CRYBG3: variants seen among roughly 807,000 people sequenced by gnomAD.
CRYBG3 encodes very large A-kinase anchor protein.
CRYBG3 carries 127 observed loss-of-function variants against 244.2 expected under a neutral mutation model. The observed-to-expected ratio is 0.52, with a 90% CI of 0.45 to 0.60. CRYBG3 has a LOEUF of 0.60. CRYBG3 is among the 20% of genes least tolerant of loss of function. The probability of loss-of-function intolerance (pLI) is 0.00; values close to 1 mark genes in which losing one functional copy is unlikely to be tolerated. For missense variants in CRYBG3, 3,325 were observed against 3,442.5 expected (o/e 0.97, Z 0.85); for synonymous variants, 1,132 against 1,195.8 (o/e 0.95, Z 1.10).
Position 97,872,439 on chromosome 3 carries a change from G to A in CRYBG3, c.1245G>A (p.Met415Ile). 4 of 1,535,982 alleles carry A rather than the reference G, an allele frequency of 2.6e-6. No homozygotes were observed. Among genetic ancestry groups the A allele is most frequent in the Non-Finnish European group, 3.5e-6 (4 of 1,146,804 alleles). Residue 415 changes from methionine to isoleucine, a missense_variant, in exon 4 of 22, where the codon ATG (methionine) becomes ATA (isoleucine). Met to Ile is a conservative substitution (Grantham distance 10, BLOSUM62 1). Transcript: ENST00000389622. The stretch of plus-strand genomic sequence containing the variant: ...CGATAAAAGAAAACAGCACTGTGAT[G>A]AGTAATAGGACATTGGTGCAAAGAG... Reference protein sequence around the residue: ...ENTIKENSTVMSNRTLVQREE... With the variant: ...ENTIKENSTVISNRTLVQREE...
intron 17 of CRYBG3, among the ~76,000 whole-genome samples, chr3:97,926,464 A>G (rs2040041482): frequency 6.6e-6 from 1 of 152,100 alleles, no homozygotes. Flanking sequence ...TGCCAGCATC[A>G]TACTGAATGA....
intron 1 of CRYBG3, among the ~76,000 whole-genome samples, chr3:97,829,580 G>T (rs1035805696): frequency 2.0e-5 from 3 of 152,138 alleles, no homozygotes; most frequent in Admixed American, 6.5e-5. Flanking sequence ...AAATTAGAAA[G>T]ATTTATATTT....
At chr3:97,835,741 G>A (rs1398446167) in intron 1 of CRYBG3, among the ~76,000 whole-genome samples, 1 of 152,126 alleles carries the variant, frequency 6.6e-6, no homozygotes, top group Non-Finnish European at 1.5e-5. Context: ...GCCAAGGTCA[G>A]ATTCTGGGGA....
chr3:97,928,790 T>C (rs1438154938), intron 17 of CRYBG3, among the ~76,000 whole-genome samples: 1 of 151,988 alleles, frequency 6.6e-6, no homozygotes, highest in Non-Finnish European at 1.5e-5. Flanking sequence ...TAGACTTCAA[T>C]TTATTCAGGT....
intron 3 of CRYBG3, among the ~76,000 whole-genome samples, chr3:97,866,104 G>A (rs1005414376): frequency 5.3e-5 from 8 of 151,980 alleles, no homozygotes; most frequent in African/African-American, 1.5e-4. Context: ...TCATTATCAA[G>A]GAAATGCAAA....
intron 15 of CRYBG3, among the ~76,000 whole-genome samples, chr3:97,904,000 G>T (rs79209752): frequency 0.035 from 5,319 of 152,150 alleles, 114 homozygotes; most frequent in Non-Finnish European, 0.054. Context: ...AATTTGCCTC[G>T]GTTTTAAGCA....
rs2039374252 is a variant in CRYBG3, at chr3:97,876,517, G to A, written c.5323G>A (p.Gly1775Arg). Residue 1775 changes from glycine (G) to arginine (R), a missense_variant, in exon 4 of 22, where the codon GGG becomes AGG. Coordinates refer to ENST00000389622, the MANE Select transcript of CRYBG3 (RefSeq NM_153605.4). Reference protein sequence around the residue: ...TYQKNAKGFTGNTEGSVLKME... With the variant: ...TYQKNAKGFTRNTEGSVLKME... ...CCAAAAAAATGCCAAAGGTTTTACC[G>A]GGAACACTGAAGGGTCTGTGTTGAA... is the stretch of plus-strand genomic sequence containing the variant. 3 of 1,232,024 alleles carry A rather than the reference G, an allele frequency of 2.4e-6. No homozygotes were observed. The highest frequency in any genetic ancestry group is 6.3e-5 in the East Asian group (2 of 31,710). The allele number at this position is 1,232,024 out of a possible 1,614,324, so 76.3% of individuals were successfully genotyped here.
intron 17 of CRYBG3, among the ~76,000 whole-genome samples, chr3:97,925,390 A>G (rs534124352): frequency 5.7e-4 from 87 of 152,226 alleles, no homozygotes; most frequent in Non-Finnish European, 7.6e-4. Flanking sequence ...GATTATTCAT[A>G]TATAGCTAGT....
At chr3:97,865,537 A>G (rs2039218617) in intron 3 of CRYBG3, among the ~76,000 whole-genome samples, 1 of 152,166 alleles carries the variant, frequency 6.6e-6, no homozygotes, top group Non-Finnish European at 1.5e-5. Flanking sequence ...AAATTAGATT[A>G]GAGTTTGTCC....
At chr3:97,911,238 C>T (rs2039868604) in intron 15 of CRYBG3, among the ~76,000 whole-genome samples, 1 of 152,176 alleles carries the variant, frequency 6.6e-6, no homozygotes, top group African/African-American at 2.4e-5. Context: ...ACAGCATGAG[C>T]AGATGGTTTG....
intron 2 of CRYBG3, among the ~76,000 whole-genome samples, chr3:97,861,306 T>A (rs1369169987): frequency 6.6e-6 from 1 of 152,164 alleles, no homozygotes; most frequent in Admixed American, 6.6e-5. Flanking sequence ...AAGGTTTCTC[T>A]ACATCCCCAC....
intron 1 of CRYBG3, among the ~76,000 whole-genome samples, chr3:97,842,127 G>A (rs1471694644): frequency 6.6e-6 from 1 of 152,070 alleles, no homozygotes; most frequent in African/African-American, 2.4e-5. Context: ...AGAACCTGAC[G>A]TGCTCATTTT....
chr3:97,838,818 A>C (rs2038771806), intron 1 of CRYBG3, among the ~76,000 whole-genome samples: 1 of 152,138 alleles, frequency 6.6e-6, no homozygotes, highest in African/African-American at 2.4e-5. Flanking sequence ...AATTATTTGA[A>C]ATTTAGAAGG....
chr3:97,842,163 C>G (rs2038828644), intron 1 of CRYBG3, among the ~76,000 whole-genome samples: 1 of 152,098 alleles, frequency 6.6e-6, no homozygotes. Flanking sequence ...AAGCAGAATC[C>G]TTGGCATATG....
At chr3:97,900,060 T>A (rs191173895) in intron 14 of CRYBG3, among the ~76,000 whole-genome samples, 116 of 152,166 alleles carry the variant, frequency 7.6e-4, no homozygotes, top group African/African-American at 2.5e-3. Context: ...ATGAAAAAAA[T>A]TTTTCAAGCT....
intron 15 of CRYBG3, among the ~76,000 whole-genome samples, chr3:97,900,930 C>A (rs373061915): frequency 6.6e-6 from 1 of 152,162 alleles, no homozygotes; most frequent in Admixed American, 6.5e-5. Context: ...ACCCTATATT[C>A]ATTTCTACTG....
At chr3:97,915,552 G>A in intron 16 of CRYBG3, 58 bp from the exon 17 acceptor site, 1 of 1,539,466 alleles carries the variant, frequency 6.5e-7, no homozygotes, top group African/African-American at 1.4e-5. Context: ...GCATGATAAT[G>A]AGCCTATACT....
At chr3:97,916,322 T>C (rs903587529) in intron 17 of CRYBG3, among the ~76,000 whole-genome samples, 5 of 152,188 alleles carry the variant, frequency 3.3e-5, no homozygotes, top group African/African-American at 9.7e-5. Context: ...AAACCTGTTT[T>C]TGGGAACCAG....
At chr3:97,922,726 T>A (rs1354465483) in intron 17 of CRYBG3, among the ~76,000 whole-genome samples, 3 of 152,124 alleles carry the variant, frequency 2.0e-5, no homozygotes, top group South Asian at 4.1e-4. Flanking sequence ...AGGAACACTT[T>A]TACACTGTTG....
Sources: gnomAD v4.1 joint callset for allele counts (sites outside exome capture counted in the v4.1 genomes callset) on GRCh38, gnomAD v4.1.1 for gene constraint, MANE v1.5 for transcripts, NCBI Gene and HGNC (gene_info 2026-07-23, HGNC 2026-07-21) for gene names.